The following UGT2A2 variants were observed in gnomAD, a reference collection of about 807,000 sequenced individuals.
The protein encoded by UGT2A2 is UDP glucuronosyltransferase family 2 member A2.
UGT2A2 carries 60 observed loss-of-function variants against 50.7 expected under a neutral mutation model. The observed-to-expected ratio is 1.18, with a 90% CI of 0.96 to 1.47. The LOEUF is 1.47. Ranked by LOEUF, UGT2A2 falls within the 40% of genes most tolerant of loss-of-function variation. The pLI is 0.00. For synonymous variants in UGT2A2, 242 were observed against 214.6 expected, an observed-to-expected ratio of 1.13 and a Z score of -1.11; for missense variants, 762 against 634.0, an observed-to-expected ratio of 1.20 and a Z score of -2.17.
intron 1 of UGT2A2, among the ~76,000 whole-genome samples, chr4:69,608,578 A>G (rs1719828545): frequency 2.0e-5 from 3 of 152,224 alleles, no homozygotes; most frequent in African/African-American, 4.8e-5. Flanking sequence ...AAGAAAAAGA[A>G]AAAAAGAAAA....
intron 5 of UGT2A2, 77 bp downstream of exon 5, chr4:69,594,400 T>G (rs1475701592): frequency 4.6e-6 from 7 of 1,537,718 alleles, no homozygotes; most frequent in Non-Finnish European, 6.1e-6. Flanking sequence ...TACAAAAGTA[T>G]AAAAGAATGT....
intron 1 of UGT2A2, among the ~76,000 whole-genome samples, chr4:69,629,934 C>A (rs74712271): frequency 0.038 from 5,800 of 152,046 alleles, 122 homozygotes; most frequent in East Asian, 0.069. Context: ...TGTATATTAT[C>A]ATTGCAATAG....
At position 69,589,313 on chromosome 4, in the gene UGT2A2, C is replaced by G; in HGVS notation, c.*59G>C. The G allele has an allele frequency of 6.7e-7, 1 of 1,492,740 alleles. No individual in the cohort carries two copies. The highest frequency in any genetic ancestry group is 2.3e-5 in the Admixed American group (1 of 42,612). The allele number at this position is 1,492,740 out of a possible 1,614,324, so 92.5% of individuals were successfully genotyped here. On this transcript the variant is annotated 3_prime_UTR_variant, in exon 6 of 6. Transcript: ENST00000604629. ...CTCCTTTTGTCTGGAATTAATAGGA[C>G]TACACTACTCAGGATTTTGCCAAAC...
At chr4:69,606,709 G>T (rs1305930394) in intron 1 of UGT2A2, among the ~76,000 whole-genome samples, 1 of 136,740 alleles carries the variant, frequency 7.3e-6, no homozygotes, top group Non-Finnish European at 1.6e-5. Flanking sequence ...AAGCTGATAA[G>T]CAACTTCAGC....
intron 1 of UGT2A2, among the ~76,000 whole-genome samples, chr4:69,603,818 T>C (rs1329774883): frequency 7.3e-6 from 1 of 136,430 alleles, no homozygotes; most frequent in African/African-American, 3.0e-5. Context: ...AGGGTATCAG[T>C]GATGGAAGAT....
chr4:69,589,532 C>A lies in UGT2A2; in HGVS notation c.1451G>T (p.Arg484Leu), dbSNP rs1229538259. ...CCAGGTGAGGTCATGGGCTGCAACC[C>A]GAAGGTGCTTGGCTCCTTTGTGGCG... ...VMRHKGAKHL[R>L]VAAHDLTWFQ... The change falls in exon 6 of 6, where the codon CGG becomes CTG. Residue 484 changes from arginine to leucine, a missense_variant. Physicochemically the swap from Arg to Leu is moderately radical, Grantham distance 102. Coordinates refer to ENST00000604629, the MANE Select transcript of UGT2A2 (RefSeq NM_001105677.2). The A allele has an allele frequency of 6.2e-7, 1 of 1,613,928 alleles. No homozygotes were observed. Among genetic ancestry groups the A allele is most frequent in the South Asian group, 1.1e-5 (1 of 91,086 alleles).
intron 1 of UGT2A2, among the ~76,000 whole-genome samples, chr4:69,607,123 C>A (rs1159256796): frequency 9.2e-6 from 1 of 108,456 alleles, no homozygotes; most frequent in Non-Finnish European, 2.2e-5. Flanking sequence ...CAATCCTAAG[C>A]CAAAAGAACA....
chr4:69,611,633 A>T (rs371832868), intron 1 of UGT2A2, among the ~76,000 whole-genome samples: 10 of 152,132 alleles, frequency 6.6e-5, no homozygotes. Context: ...GGATTGCATA[A>T]ATTTAAAACT....
Position 69,639,455 on chromosome 4 carries a change from C to T in UGT2A2, c.186G>A (p.Leu62=). 1 of 1,613,026 alleles carries T rather than the reference C, an allele frequency of 6.2e-7. No individual in the cohort carries two copies. Among genetic ancestry groups the T allele is most frequent in the Non-Finnish European group, 8.5e-7 (1 of 1,179,486 alleles). The stretch of plus-strand genomic sequence containing the variant: ...TGATGAATAGAGTTGCTGATGAAGC[C>T]AGTACAGTCACATTGTGATTTCTTT... ...LIQRNHNVTV[L]ASSATLFINS... The change falls in exon 1 of 6, where the codon CTG becomes CTA. Residue 62 remains leucine, a synonymous_variant. Coordinates refer to ENST00000604629, the MANE Select transcript of UGT2A2 (RefSeq NM_001105677.2).
chr4:69,624,432 G>T (rs1035310613), intron 1 of UGT2A2, among the ~76,000 whole-genome samples: 1 of 151,118 alleles, frequency 6.6e-6, no homozygotes, highest in Non-Finnish European at 1.5e-5. Context: ...TCTAACTATT[G>T]GTGAGGGTTG....
chr4:69,618,710 A>T (rs934078451), intron 1 of UGT2A2, among the ~76,000 whole-genome samples: 1 of 152,010 alleles, frequency 6.6e-6, no homozygotes, highest in Non-Finnish European at 1.5e-5. Context: ...TCTAAGTTCA[A>T]TCAATTCTAT....
intron 1 of UGT2A2, among the ~76,000 whole-genome samples, chr4:69,625,665 A>G (rs1721014915): frequency 1.3e-5 from 2 of 151,220 alleles, no homozygotes; most frequent in African/African-American, 4.8e-5. Context: ...TTTTGGCCAT[A>G]CCCTATTTTT....
At chr4:69,610,266 A>T (rs1276968607) in intron 1 of UGT2A2, among the ~76,000 whole-genome samples, 1 of 152,122 alleles carries the variant, frequency 6.6e-6, no homozygotes, top group African/African-American at 2.4e-5. Flanking sequence ...GTTGCATTGA[A>T]TTCATTGTCC....
At chr4:69,624,898 C>T (rs1367937917) in intron 1 of UGT2A2, among the ~76,000 whole-genome samples, 1 of 151,070 alleles carries the variant, frequency 6.6e-6, no homozygotes, top group African/African-American at 2.4e-5. Flanking sequence ...TCTCTCCATT[C>T]GTCTAGATCG....
At chr4:69,608,476 T>G (rs980214891) in intron 1 of UGT2A2, among the ~76,000 whole-genome samples, 5 of 151,748 alleles carry the variant, frequency 3.3e-5, no homozygotes, top group African/African-American at 1.2e-4. Flanking sequence ...TGTTAAATGA[T>G]GAGTTAATGG....
chr4:69,617,510 C>T (rs1400232718), intron 1 of UGT2A2, among the ~76,000 whole-genome samples: 1 of 151,832 alleles, frequency 6.6e-6, no homozygotes, highest in Non-Finnish European at 1.5e-5. Flanking sequence ...ACACACACAA[C>T]ATATTTAATA....
At chr4:69,627,194 A>C (rs1286805788) in intron 1 of UGT2A2, among the ~76,000 whole-genome samples, 1 of 151,878 alleles carries the variant, frequency 6.6e-6, no homozygotes, top group African/African-American at 2.4e-5. Flanking sequence ...ATCCTTTGCC[A>C]CAATAACACA....
rs755749922 is a variant in UGT2A2 at position 69,639,460 on chromosome 4, C to A, written c.181G>T (p.Val61Leu). 3 of 1,613,066 alleles carry A rather than the reference C, an allele frequency of 1.9e-6. No homozygotes were observed. The South Asian group carries it at 3.3e-5, about 18-fold the overall frequency. ...AATAGAGTTGCTGATGAAGCCAGTACAGTCACATTGTGATTTCTTTGAATC... is the reference window on the plus strand; with the variant it reads ...AATAGAGTTGCTGATGAAGCCAGTAAAGTCACATTGTGATTTCTTTGAATC... ...ELIQRNHNVT[V>L]LASSATLFIN... Residue 61 changes from valine to leucine, a missense_variant, in exon 1 of 6, where the codon GTA becomes TTA. Coordinates refer to ENST00000604629, the MANE Select transcript of UGT2A2 (RefSeq NM_001105677.2).
intron 5 of UGT2A2, among the ~76,000 whole-genome samples, chr4:69,594,011 T>G (rs946008859): frequency 2.7e-5 from 4 of 150,604 alleles, no homozygotes; most frequent in African/African-American, 2.4e-5. Flanking sequence ...GTCTTGCTCT[T>G]TTGCCCAGGC....
Sources: allele counts gnomAD v4.1 joint callset (sites outside exome capture counted in the v4.1 genomes callset), GRCh38; gene constraint gnomAD v4.1.1; transcripts MANE v1.5; gene names NCBI Gene and HGNC (gene_info 2026-07-23, HGNC 2026-07-21).